Variants in ZBTB44 observed in about 807,000 individuals in gnomAD.
ZBTB44 encodes the protein zinc finger and BTB domain containing 44, also known as zinc finger and BTB domain-containing protein 44.
In ZBTB44, 15 loss-of-function variants were observed where a neutral mutation model predicts 54.0. The ratio of observed to expected loss-of-function variants is 0.28; its 90% CI spans 0.19 to 0.43. ZBTB44 has a LOEUF of 0.43. ZBTB44 is among the 20% of genes least tolerant of loss of function. The pLI, the probability that ZBTB44 is intolerant of heterozygous loss-of-function variation, is 1.00. For missense variants in ZBTB44, 487 were observed against 707.1 expected, an observed-to-expected ratio of 0.69 and a Z score of 3.53; for synonymous variants, 230 against 250.1, an observed-to-expected ratio of 0.92 and a Z score of 0.76.
chr11:130,277,083 A>ATTTCCTTCCTT (rs1940158806), intron 1 of ZBTB44, among the ~76,000 whole-genome samples: 1 of 152,106 alleles, frequency 6.6e-6, no homozygotes, highest in Non-Finnish European at 1.5e-5. Context: ...GCTGTTTATA[A>ATTTCCTTCCTT]ACTTAGTCTG....
Position 130,234,235 on chromosome 11 carries a change from T to C in ZBTB44, c.1607A>G (p.Glu536Gly). 2 of 1,527,660 alleles carry C rather than the reference T, an allele frequency of 1.3e-6. No individual in the cohort carries two copies. The highest frequency in any genetic ancestry group is 1.8e-6 in the Non-Finnish European group (2 of 1,137,822). The allele number at this position is 1,527,660 out of a possible 1,614,324, so 94.6% of individuals were successfully genotyped here. ...AAGATCATATTGAACAAGGGTCTCT[T>C]CTTGTTCCTGGTTTAAGTAGTCCGG... ...LVPDYLNQEQ[E>G]ETLVQYDLGE... The change falls in exon 6 of 8, where the codon GAA (glutamate) becomes GGA (glycine). Residue 536 changes from glutamate (E) to glycine (G), a missense_variant. By Grantham distance (98) the Glu-to-Gly change is moderately conservative. This residue lies in a region of ZBTB44 where 120 missense variants were observed against 240.3 expected (regional missense o/e 0.50). Coordinates refer to ENST00000357899, the MANE Select transcript of ZBTB44 (RefSeq NM_001301098.2).
At chr11:130,256,105 T>C (rs1938425839) in intron 2 of ZBTB44, among the ~76,000 whole-genome samples, 1 of 151,944 alleles carries the variant, frequency 6.6e-6, no homozygotes, top group Non-Finnish European at 1.5e-5. Flanking sequence ...GTCAGCAACA[T>C]CCTGATTCCA....
At chr11:130,310,777 T>C (rs1942553333) in intron 1 of ZBTB44, among the ~76,000 whole-genome samples, 1 of 152,132 alleles carries the variant, frequency 6.6e-6, no homozygotes, top group Non-Finnish European at 1.5e-5. Context: ...GAGTCCCGCT[T>C]TGTCACCCAG....
chr11:130,293,306 T>TAA (rs71061378), intron 1 of ZBTB44, among the ~76,000 whole-genome samples: 42 of 134,762 alleles, frequency 3.1e-4, no homozygotes, highest in African/African-American at 1.0e-3. Flanking sequence ...TACTAAAAAT[T>TAA]AAAAAAAAAA....
Position 130,238,620 on chromosome 11 carries a change from G to A in ZBTB44, c.1104-13C>T. On this transcript the variant is annotated splice_polypyrimidine_tract_variant and intron_variant, in intron 3 of 7. Transcript: ENST00000357899. ...AACATTTTCCAATCTAAAAAAAACA[G>A]ACCAAAGAAGGCAACCAGGCTCTGA... 1 of 1,603,808 alleles carries A rather than the reference G, an allele frequency of 6.2e-7. No homozygotes were observed. The highest frequency in any genetic ancestry group is 8.5e-7 in the Non-Finnish European group (1 of 1,175,648).
At chr11:130,281,621 G>A (rs1292677280) in intron 1 of ZBTB44, among the ~76,000 whole-genome samples, 1 of 151,472 alleles carries the variant, frequency 6.6e-6, no homozygotes, top group African/African-American at 2.4e-5. Context: ...ATGGAGTCTC[G>A]TCTCACTCTG....
intron 2 of ZBTB44, among the ~76,000 whole-genome samples, chr11:130,252,487 C>T (rs1482485952): frequency 6.6e-6 from 1 of 152,136 alleles, no homozygotes; most frequent in Admixed American, 6.5e-5. Flanking sequence ...TTCTCAGCAC[C>T]GCATGGCACT....
At chr11:130,298,210 C>G in intron 1 of ZBTB44, among the ~76,000 whole-genome samples, 1 of 151,890 alleles carries the variant, frequency 6.6e-6, no homozygotes, top group East Asian at 1.9e-4. Context: ...GAGGCACAAT[C>G]ACAACACACA....
At chr11:130,248,561 A>G (rs1175701896) in intron 2 of ZBTB44, among the ~76,000 whole-genome samples, 1 of 151,990 alleles carries the variant, frequency 6.6e-6, no homozygotes. Flanking sequence ...CAATTACTTG[A>G]ACTCAGGAGG....
At chr11:130,269,307 C>T (rs150940501) in intron 1 of ZBTB44, among the ~76,000 whole-genome samples, 1 of 114,268 alleles carries the variant, frequency 8.8e-6, no homozygotes, top group Non-Finnish European at 2.0e-5. Context: ...ATTAATTAAT[C>T]TCATTTATCT....
chr11:130,299,773 T>A (rs1279259202), intron 1 of ZBTB44, among the ~76,000 whole-genome samples: 1 of 151,944 alleles, frequency 6.6e-6, no homozygotes, highest in Non-Finnish European at 1.5e-5. Context: ...AAATAAAAAA[T>A]AGAAATTACC....
intron 2 of ZBTB44, among the ~76,000 whole-genome samples, chr11:130,257,255 A>G (rs576347374): frequency 0.032 from 4,923 of 151,746 alleles, 240 homozygotes; most frequent in African/African-American, 0.11. Flanking sequence ...AAAAAAAAAA[A>G]AAAAGAAAAA....
At chr11:130,291,739 A>G (rs781272590) in intron 1 of ZBTB44, among the ~76,000 whole-genome samples, 13 of 152,190 alleles carry the variant, frequency 8.5e-5, no homozygotes, top group South Asian at 2.1e-4. Flanking sequence ...GATTATTCCA[A>G]TATATTTATG....
Position 130,238,566 on chromosome 11 carries a change from G to T in ZBTB44, c.1145C>A (p.Pro382His). The change falls in exon 4 of 8, where the codon CCT becomes CAT. Residue 382 changes from proline (P) to histidine (H), a missense_variant. This residue lies in a region of ZBTB44 where 277 missense variants were observed against 306.5 expected (regional missense o/e 0.90). Coordinates refer to ENST00000357899, the MANE Select transcript of ZBTB44 (RefSeq NM_001301098.2). The part of the protein sequence containing the change: ...VQYPYQLYIA[P>H]STSSTERPSP... ...TGGTCGCTCTGTACTGCTGGTGGAAGGAGCAATGTAGAGTTGGTAGGGATA... is the reference window on the plus strand; with the variant it reads ...TGGTCGCTCTGTACTGCTGGTGGAATGAGCAATGTAGAGTTGGTAGGGATA... The T allele has an allele frequency of 6.2e-7, 1 of 1,613,052 alleles. No homozygotes were observed. The highest frequency in any genetic ancestry group is 8.5e-7 in the Non-Finnish European group (1 of 1,179,616).
rs71061377 is a variant in ZBTB44 at position 130,283,969 on chromosome 11, C to CAAAAAAAAAAAAAA, written c.-56-22054_-56-22041dup. Among the ~76,000 whole-genome samples, 31 of 45,176 alleles carry CAAAAAAAAAAAAAA rather than the reference C, an allele frequency of 6.9e-4. 5 individuals carry two copies. The highest frequency in any genetic ancestry group is 2.3e-3 in the East Asian group (3 of 1,284). 29.6% of individuals were successfully genotyped at this position (45,176 alleles called of 152,430 possible). ...TGGGTGACAGAGTAAGACTCCATCT[C>CAAAAAAAAAAAAAA]AAAAAAAAAAAAAAAAAAAAAAAAA... is the stretch of plus-strand genomic sequence containing the variant. On this transcript the variant is annotated intron_variant, in intron 1 of 7. Coordinates refer to ENST00000357899, the MANE Select transcript of ZBTB44 (RefSeq NM_001301098.2).
rs147072757 is a variant in ZBTB44 at position 130,246,957 on chromosome 11, A to C, written c.1019-7061T>G. Among the ~76,000 whole-genome samples, 951 of 152,310 alleles carry C rather than the reference A, an allele frequency of 6.2e-3. 10 individuals are homozygous for C. Among genetic ancestry groups the C allele is most frequent in the African/African-American group, 0.022 (894 of 41,570 alleles). On this transcript the variant is annotated intron_variant, in intron 2 of 7. Transcript: ENST00000357899. ...ATCTCTCGCTGGCTAATGAGTCACT[A>C]CTGCTATAGATTCACTTTAGTCTGC...
intron 1 of ZBTB44, among the ~76,000 whole-genome samples, chr11:130,308,126 G>A (rs1942380165): frequency 6.6e-6 from 1 of 152,170 alleles, no homozygotes; most frequent in Non-Finnish European, 1.5e-5. Flanking sequence ...ATTCAGTACA[G>A]TAACATGCTG....
intron 1 of ZBTB44, among the ~76,000 whole-genome samples, chr11:130,293,622 GAAAAAAAA>G (rs771432644): frequency 1.0e-5 from 1 of 100,058 alleles, no homozygotes; most frequent in Admixed American, 1.1e-4. Flanking sequence ...TCTACTTAAA[GAAAAAAAA>G]AAAAAAAAAG....
At chr11:130,235,987 A>G in intron 5 of ZBTB44, 1 of 799,112 alleles carries the variant, frequency 1.3e-6, no homozygotes, top group Non-Finnish European at 1.6e-6. Flanking sequence ...AAAAAGAAAG[A>G]TTTGTAAAAA....
Sources: allele counts gnomAD v4.1 joint callset (sites outside exome capture counted in the v4.1 genomes callset), GRCh38; gene constraint gnomAD v4.1.1; regional missense constraint gnomAD v4.1.1; transcripts MANE v1.5; gene names NCBI Gene and HGNC (gene_info 2026-07-23, HGNC 2026-07-21).